Variants in DCPS observed in about 807,000 individuals in gnomAD.
DCPS encodes m7GpppX diphosphatase.
In DCPS, 27 loss-of-function variants were observed where a neutral mutation model predicts 34.7. The observed-to-expected ratio is 0.78, with a 90% CI of 0.57 to 1.07. The LOEUF (loss-of-function observed/expected upper bound fraction) is 1.07, where lower values mean the gene tolerates loss of function less well. Among genes scored for constraint, DCPS ranks in the 50% least tolerant of loss-of-function variants. The pLI, the probability that DCPS is intolerant of heterozygous loss-of-function variation, is 0.00. For synonymous variants in DCPS, 185 were observed against 185.7 expected (o/e 1.00, Z 0.03); for missense variants, 464 against 436.9 (o/e 1.06, Z -0.55).
At position 126,322,470 on chromosome 11, in the gene DCPS, G is replaced by C. The variant is rs1280361489; in HGVS notation, c.377-8935G>C. The stretch of plus-strand genomic sequence containing the variant: ...GTAGAGATGGGGTTTCGCCATGTTG[G>C]CCAAGTTGGTCTTGAACTCCTGACC... On this transcript the variant is annotated intron_variant, in intron 2 of 5. Transcript: ENST00000263579. This position sits in a 1 kb window ranked among gnomAD's most constrained non-coding sequence, Gnocchi z 4.2. Among the ~76,000 whole-genome samples, 1 of 152,042 alleles carries C rather than the reference G, an allele frequency of 6.6e-6. No individual in the cohort carries two copies. Among genetic ancestry groups the C allele is most frequent in the African/African-American group, 2.4e-5 (1 of 41,390 alleles).
In DCPS at chr11:126,312,432, G is replaced by A. The variant is rs1291223740; in HGVS notation, c.376+5688G>A. On this transcript the variant is annotated intron_variant, in intron 2 of 5. Coordinates refer to ENST00000263579, the MANE Select transcript of DCPS (RefSeq NM_014026.6). This position sits in a 1 kb window ranked among gnomAD's most constrained non-coding sequence, Gnocchi z 5.1. ...CGGCTCACTGCAACCTCCACCTCCCGGGTTCAAGCCATTCTCCTGCCTCAG... is the reference window on the plus strand; with the variant it reads ...CGGCTCACTGCAACCTCCACCTCCCAGGTTCAAGCCATTCTCCTGCCTCAG... Among the ~76,000 whole-genome samples the A allele has an allele frequency of 2.6e-5, 4 of 151,902 alleles. No individual in the cohort carries two copies. Among genetic ancestry groups the A allele is most frequent in the East Asian group, 1.9e-4 (1 of 5,182 alleles).
rs1951789369 is a variant in DCPS at position 126,331,319 on chromosome 11, G to A, written c.377-86G>A. 1 of 1,549,814 alleles carries A rather than the reference G, an allele frequency of 6.5e-7. No homozygotes were observed. Among genetic ancestry groups the A allele is most frequent in the Non-Finnish European group, 8.7e-7 (1 of 1,146,384 alleles). ...GCTTCCCTCAGGGAATCAAAGCCAG[G>A]GTGGGAGTTCTCTCCTCACCGTGGT... On this transcript the variant is annotated intron_variant, in intron 2 of 5. Coordinates refer to ENST00000263579, the MANE Select transcript of DCPS (RefSeq NM_014026.6). The surrounding 1 kb of genome is among the most constrained non-coding windows in gnomAD (Gnocchi z 7.2).
In DCPS at chr11:126,347,444, C is replaced by G. The variant is rs920367734; in HGVS notation, c.*1831C>G. Among the ~76,000 whole-genome samples, 4 of 151,974 alleles carry G rather than the reference C, an allele frequency of 2.6e-5. No individual in the cohort carries two copies. Among genetic ancestry groups the G allele is most frequent in the Non-Finnish European group, 5.9e-5 (4 of 67,994 alleles). On this transcript the variant is annotated 3_prime_UTR_variant, in exon 6 of 6. Coordinates refer to ENST00000263579, the MANE Select transcript of DCPS (RefSeq NM_014026.6). The surrounding 1 kb of genome is among the most constrained non-coding windows in gnomAD (Gnocchi z 4.2). ...TCACCATGTTGGCCAGGCTGGTCTC[C>G]AACTCCTGGCCTCAGGTGATCCACC...
At chr11:126,326,755 C>G (rs957046377) in intron 2 of DCPS, among the ~76,000 whole-genome samples, 4 of 152,214 alleles carry the variant, frequency 2.6e-5, no homozygotes, top group African/African-American at 9.6e-5. Context: ...AACCCTGTCT[C>G]TACTAAAAAT....
In DCPS at chr11:126,331,448, G is replaced by A. The variant is rs1424647918; in HGVS notation, c.420G>A (p.Leu140=). 6.2e-7 allele frequency: 1 copy of A among 1,614,152 alleles called. No individual in the cohort carries two copies. The highest frequency in any genetic ancestry group is 1.1e-5 in the South Asian group (1 of 91,082). The change falls in exon 3 of 6, where the codon CTG becomes CTA. Residue 140 remains leucine (L), a synonymous_variant. Transcript: ENST00000263579. This position sits in a 1 kb window ranked among gnomAD's most constrained non-coding sequence, Gnocchi z 7.2. The part of the protein sequence containing the change: ...TVVYPATEKH[L]QKYLRQDLRL... Reference sequence around the variant, plus strand: ...TTTACCCTGCCACAGAGAAACACCTGCAGAAGTACCTGCGCCAGGACCTCC... The same window carrying A: ...TTTACCCTGCCACAGAGAAACACCTACAGAAGTACCTGCGCCAGGACCTCC...
Position 126,319,109 on chromosome 11 carries a change from C to G in DCPS, c.377-12296C>G, listed in dbSNP as rs1951684527. Among the ~76,000 whole-genome samples, 1 of 152,148 alleles carries G rather than the reference C, an allele frequency of 6.6e-6. No individual in the cohort carries two copies. The highest frequency in any genetic ancestry group is 2.1e-4 in the South Asian group (1 of 4,832). On this transcript the variant is annotated intron_variant, in intron 2 of 5. Coordinates refer to ENST00000263579, the MANE Select transcript of DCPS (RefSeq NM_014026.6). This position sits in a 1 kb window ranked among gnomAD's most constrained non-coding sequence, Gnocchi z 4.5. ...AGAGCTGTGTTAGTCCGGGGCACAT[C>G]AGCCTGCTCATCTGAGTTGCAGAGA... is the stretch of plus-strand genomic sequence containing the variant.
chr11:126,335,750 A>C lies in DCPS; in HGVS notation c.523-2536A>C, dbSNP rs186652282. On this transcript the variant is annotated intron_variant, in intron 3 of 5. Transcript: ENST00000263579. This position sits in a 1 kb window ranked among gnomAD's most constrained non-coding sequence, Gnocchi z 4.8. ...AGACCAGCCTGGCCAACATGACGCA[A>C]CCCATCTCTACTAAAAATACAAAAA... is the stretch of plus-strand genomic sequence containing the variant. 3.3e-5 allele frequency among the ~76,000 whole-genome samples: 5 copies of C among 152,128 alleles called. No individual in the cohort carries two copies. The highest frequency in any genetic ancestry group is 7.4e-5 in the Non-Finnish European group (5 of 68,018).
intron 4 of DCPS, chr11:126,341,861 G>T (rs948126543): frequency 2.0e-5 from 3 of 152,264 alleles, no homozygotes; most frequent in Non-Finnish European, 4.4e-5. Context: ...GCTTCCTGTG[G>T]GCTCATCTGC....
rs1431598434 is a variant in DCPS at position 126,313,453 on chromosome 11, G to A, written c.376+6709G>A. On this transcript the variant is annotated intron_variant, in intron 2 of 5. Coordinates refer to ENST00000263579, the MANE Select transcript of DCPS (RefSeq NM_014026.6). This position sits in a 1 kb window ranked among gnomAD's most constrained non-coding sequence, Gnocchi z 4.9. ...CTAGAAACAATCAAATAACAGTAGAGTAGGTAGATAAACCGAGGTATAGTC... is the reference window on the plus strand; with the variant it reads ...CTAGAAACAATCAAATAACAGTAGAATAGGTAGATAAACCGAGGTATAGTC... Among the ~76,000 whole-genome samples the A allele has an allele frequency of 2.6e-5, 4 of 152,146 alleles. No homozygotes were observed. In the East Asian group the frequency reaches 7.7e-4, roughly 29 times the overall value.
chr11:126,324,182 C>T (rs1951725395), intron 2 of DCPS, among the ~76,000 whole-genome samples: 1 of 152,062 alleles, frequency 6.6e-6, no homozygotes, highest in South Asian at 2.1e-4. Flanking sequence ...ATTGCAGTAG[C>T]AAAATTTTTT....
At position 126,328,327 on chromosome 11, in the gene DCPS, G is replaced by A. The variant is rs1243635932; in HGVS notation, c.377-3078G>A. On this transcript the variant is annotated intron_variant, in intron 2 of 5. Coordinates refer to ENST00000263579, the MANE Select transcript of DCPS (RefSeq NM_014026.6). This position sits in a 1 kb window ranked among gnomAD's most constrained non-coding sequence, Gnocchi z 6.6. ...CAGTGTGGCCCTGACTGAGGCTTTCGGTGGAGACCTGAGGGAAGCCAGGCC... is the reference window on the plus strand; with the variant it reads ...CAGTGTGGCCCTGACTGAGGCTTTCAGTGGAGACCTGAGGGAAGCCAGGCC... Among the ~76,000 whole-genome samples the A allele has an allele frequency of 6.6e-6, 1 of 152,132 alleles. No individual in the cohort carries two copies. Among genetic ancestry groups the A allele is most frequent in the Non-Finnish European group, 1.5e-5 (1 of 68,004 alleles).
At position 126,327,888 on chromosome 11, in the gene DCPS, G is replaced by GTCCA. The variant is rs1254718613; in HGVS notation, c.377-3512_377-3509dup. Among the ~76,000 whole-genome samples, 5 of 152,236 alleles carry GTCCA rather than the reference G, an allele frequency of 3.3e-5. No homozygotes were observed. Among genetic ancestry groups the GTCCA allele is most frequent in the African/African-American group, 1.2e-4 (5 of 41,466 alleles). ...TGCATAGTAGTTGGGGAGTCAGACA[G>GTCCA]TCCATCCACCTGCTGCTGTGAGGGA... On this transcript the variant is annotated intron_variant, in intron 2 of 5. Transcript: ENST00000263579. This position sits in a 1 kb window ranked among gnomAD's most constrained non-coding sequence, Gnocchi z 4.1.
chr11:126,318,978 A>G (rs1254126924), intron 2 of DCPS, among the ~76,000 whole-genome samples: 1 of 152,126 alleles, frequency 6.6e-6, no homozygotes, highest in Non-Finnish European at 1.5e-5. Context: ...CCTGCCTCCC[A>G]CCTCTGAGAG....
At position 126,345,665 on chromosome 11, in the gene DCPS, A is replaced by G; in HGVS notation, c.*52A>G. ...GTGTGGGATTGGGGGAGGAGTGGGG[A>G]CAAGATTTTTTATCTCCAAGTGAAT... is the stretch of plus-strand genomic sequence containing the variant. On this transcript the variant is annotated 3_prime_UTR_variant, in exon 6 of 6. Coordinates refer to ENST00000263579, the MANE Select transcript of DCPS (RefSeq NM_014026.6). The surrounding 1 kb of genome is among the most constrained non-coding windows in gnomAD (Gnocchi z 7.4). 6.3e-7 allele frequency: 1 copy of G among 1,576,436 alleles called. No individual in the cohort carries two copies. The highest frequency in any genetic ancestry group is 8.6e-7 in the Non-Finnish European group (1 of 1,162,982).
intron 2 of DCPS, among the ~76,000 whole-genome samples, chr11:126,318,573 C>T (rs539850945): frequency 3.3e-5 from 5 of 152,324 alleles, no homozygotes; most frequent in East Asian, 1.9e-4. Flanking sequence ...GCATGCCTTG[C>T]GAAGTCCGGT....
chr11:126,330,526 G>T (rs1951774781), intron 2 of DCPS, among the ~76,000 whole-genome samples: 2 of 151,426 alleles, frequency 1.3e-5, no homozygotes, highest in South Asian at 2.1e-4. Flanking sequence ...GCACCAAGAG[G>T]TTAAACAGCT....
At chr11:126,317,106 G>T (rs538802534) in intron 2 of DCPS, among the ~76,000 whole-genome samples, 1 of 151,728 alleles carries the variant, frequency 6.6e-6, no homozygotes, top group Non-Finnish European at 1.5e-5. Flanking sequence ...CTACAGGCGC[G>T]TGCCACCACG....
intron 4 of DCPS, among the ~76,000 whole-genome samples, chr11:126,339,021 C>A (rs977478626): frequency 1.9e-4 from 29 of 152,220 alleles, no homozygotes; most frequent in African/African-American, 7.0e-4. Flanking sequence ...CTCTCCCAGA[C>A]CAGCCCACCA....
intron 2 of DCPS, among the ~76,000 whole-genome samples, chr11:126,316,603 G>A (rs893413461): frequency 4.6e-5 from 7 of 151,400 alleles, no homozygotes; most frequent in South Asian, 2.1e-4. Flanking sequence ...TGTATTCTAC[G>A]TCTGTTTCTT....
Sources: gnomAD v4.1 joint callset for allele counts (sites outside exome capture counted in the v4.1 genomes callset) on GRCh38, gnomAD v4.1.1 for gene constraint, Gnocchi (gnomAD v3.1) non-coding constraint, MANE v1.5 for transcripts, NCBI Gene and HGNC (gene_info 2026-07-23, HGNC 2026-07-21) for gene names.